Variants in XKR6 observed in about 807,000 individuals in gnomAD.
XKR6 encodes XK related 6, also known as XK-related protein 6.
In XKR6, 22 loss-of-function variants were observed where a neutral mutation model predicts 56.7. The observed-to-expected ratio is 0.39, with a 90% CI of 0.28 to 0.55. The LOEUF is 0.55. XKR6 is among the 20% of genes least tolerant of loss of function. The pLI is 0.66. For synonymous variants in XKR6, 524 were observed against 387.8 expected (o/e 1.35, Z -4.13); for missense variants, 852 against 889.0 (o/e 0.96, Z 0.53).
chr8:11,138,464 T>C (rs750523405), intron 1 of XKR6: 5 of 152,248 alleles, frequency 3.3e-5, no homozygotes, highest in Admixed American at 6.5e-5. Flanking sequence ...AGTGCTGTGA[T>C]TTAATGTCTG....
At chr8:10,973,463 A>T (rs1563321040) in intron 1 of XKR6, among the ~76,000 whole-genome samples, 2 of 152,188 alleles carry the variant, frequency 1.3e-5, no homozygotes. Flanking sequence ...ACATTCTTTC[A>T]TTCAATCTTC....
At chr8:11,180,119 G>A (rs756689736) in intron 1 of XKR6, among the ~76,000 whole-genome samples, 7 of 152,178 alleles carry the variant, frequency 4.6e-5, no homozygotes, top group South Asian at 4.2e-4. Context: ...CAGCATGGGC[G>A]ACAGACTGAG....
At chr8:10,906,121 T>G (rs560090895) in intron 2 of XKR6, among the ~76,000 whole-genome samples, 2 of 152,244 alleles carry the variant, frequency 1.3e-5, no homozygotes, top group Non-Finnish European at 2.9e-5. Flanking sequence ...AATCTGGATC[T>G]GCATGTGCTG....
At chr8:11,126,199 G>C (rs887134324) in intron 1 of XKR6, 1 of 152,208 alleles carries the variant, frequency 6.6e-6, no homozygotes. Context: ...CTCCTGAGTA[G>C]CTAGGATTAC....
chr8:11,146,025 G>T (rs550200175), intron 1 of XKR6, among the ~76,000 whole-genome samples: 5 of 151,836 alleles, frequency 3.3e-5, no homozygotes, highest in Non-Finnish European at 5.9e-5. Flanking sequence ...AATCAAGCTC[G>T]GAAATACATA....
In XKR6 at chr8:11,015,336, G is replaced by T. The variant is rs768243823; in HGVS notation, c.765-90506C>A. Among the ~76,000 whole-genome samples, 33 of 152,126 alleles carry T rather than the reference G, an allele frequency of 2.2e-4. 1 individual carries two copies. The highest frequency in any genetic ancestry group is 1.3e-4 in the Admixed American group (2 of 15,282). ...GGATGCCCAACTCTCTGGAAAGAGG[G>T]ATTAATTTTTTTTTTCGGTCCAGAT... is the stretch of plus-strand genomic sequence containing the variant. On this transcript the variant is annotated intron_variant, in intron 1 of 2. Coordinates refer to ENST00000416569, the MANE Select transcript of XKR6 (RefSeq NM_173683.4).
At chr8:10,914,248 A>G (rs1220103570) in intron 2 of XKR6, among the ~76,000 whole-genome samples, 2 of 152,144 alleles carry the variant, frequency 1.3e-5, no homozygotes, top group South Asian at 2.1e-4. Flanking sequence ...GGGGTGGGAC[A>G]GCTCACTGGG....
At chr8:10,942,313 A>G (rs1284621388) in intron 1 of XKR6, among the ~76,000 whole-genome samples, 1 of 152,224 alleles carries the variant, frequency 6.6e-6, no homozygotes, top group African/African-American at 2.4e-5. Flanking sequence ...CATGCAAACT[A>G]CCAAATATCC....
intron 1 of XKR6, among the ~76,000 whole-genome samples, chr8:11,195,712 G>A (rs971085199): frequency 5.4e-5 from 8 of 149,336 alleles, no homozygotes; most frequent in Non-Finnish European, 1.0e-4. Context: ...GCAGTGGCGC[G>A]AACTTGGCTC....
intron 1 of XKR6, among the ~76,000 whole-genome samples, chr8:11,094,963 G>C (rs1431897554): frequency 3.3e-5 from 5 of 152,182 alleles, no homozygotes; most frequent in Non-Finnish European, 7.3e-5. Context: ...GGGATGCTCT[G>C]TGAAGCAAAC....
At position 10,914,173 on chromosome 8, in the gene XKR6, C is replaced by T. The variant is rs557573019; in HGVS notation, c.961+10461G>A. On this transcript the variant is annotated intron_variant, in intron 2 of 2. Coordinates refer to ENST00000416569, the MANE Select transcript of XKR6 (RefSeq NM_173683.4). ...AAGGTGAGGCTCAGAGAGTGCCCCC[C>T]ACCCAGCCCACTGCCGTAATCACTG... 2.5e-4 allele frequency among the ~76,000 whole-genome samples: 34 copies of T among 133,678 alleles called. No individual in the cohort carries two copies. The East Asian group carries it at 2.7e-3, about 11-fold the overall frequency. 87.7% of individuals were successfully genotyped at this position (133,678 alleles called of 152,430 possible).
chr8:10,985,803 G>T (rs1001112523), intron 1 of XKR6, among the ~76,000 whole-genome samples: 3 of 152,114 alleles, frequency 2.0e-5, no homozygotes, highest in Admixed American at 2.0e-4. Context: ...ATGGGGTTGT[G>T]TCATGTTGCT....
chr8:11,019,000 C>G (rs1354557954), intron 1 of XKR6, among the ~76,000 whole-genome samples: 7 of 152,152 alleles, frequency 4.6e-5, no homozygotes, highest in African/African-American at 1.4e-4. Flanking sequence ...TCCTCAAGCT[C>G]AGCCTTCATC....
chr8:10,995,608 A>C (rs1798093933), intron 1 of XKR6, among the ~76,000 whole-genome samples: 1 of 149,944 alleles, frequency 6.7e-6, no homozygotes, highest in East Asian at 2.0e-4. Flanking sequence ...GAATCACTTG[A>C]GCCTGGGAGG....
intron 1 of XKR6, among the ~76,000 whole-genome samples, chr8:10,961,614 A>G (rs1335473297): frequency 2.0e-5 from 3 of 152,248 alleles, no homozygotes; most frequent in South Asian, 2.1e-4. Context: ...TCCCACCCAC[A>G]TGGGTGGCAA....
intron 1 of XKR6, among the ~76,000 whole-genome samples, chr8:11,167,502 C>T (rs921352033): frequency 3.9e-5 from 6 of 152,132 alleles, no homozygotes; most frequent in Non-Finnish European, 8.8e-5. Context: ...ATCCAGACAC[C>T]TGGGGTCAAA....
At chr8:11,095,676 A>G (rs1363250028) in intron 1 of XKR6, among the ~76,000 whole-genome samples, 2 of 152,240 alleles carry the variant, frequency 1.3e-5, no homozygotes, top group Non-Finnish European at 2.9e-5. Flanking sequence ...TATCATGTGC[A>G]ACTTGGCTCT....
chr8:11,117,772 T>C (rs1269565033), intron 1 of XKR6, among the ~76,000 whole-genome samples: 1 of 152,162 alleles, frequency 6.6e-6, no homozygotes, highest in Non-Finnish European at 1.5e-5. Flanking sequence ...GAAAAAATTC[T>C]AGTAAATATT....
chr8:11,083,543 C>T (rs887194997), intron 1 of XKR6, among the ~76,000 whole-genome samples: 2 of 152,148 alleles, frequency 1.3e-5, no homozygotes, highest in Admixed American at 6.5e-5. Context: ...TTTGCATTTT[C>T]GGAATGCAAA....
Sources: gnomAD v4.1 joint callset for allele counts (sites outside exome capture counted in the v4.1 genomes callset) on GRCh38, gnomAD v4.1.1 for gene constraint, MANE v1.5 for transcripts, NCBI Gene and HGNC (gene_info 2026-07-23, HGNC 2026-07-21) for gene names.